The following HEATR5B variants were observed in gnomAD, a reference collection of about 807,000 sequenced individuals.
HEATR5B encodes the protein HEAT repeat-containing protein 5B.
In HEATR5B, 156 loss-of-function variants were observed where a neutral mutation model predicts 224.1. The observed-to-expected ratio is 0.70, with a 90% confidence interval of 0.61 to 0.80. The LOEUF (loss-of-function observed/expected upper bound fraction) is 0.80. HEATR5B is among the 30% of genes least tolerant of loss of function. The pLI is 0.00. For missense variants in HEATR5B, 2,323 were observed against 2,535.5 expected, an observed-to-expected ratio of 0.92 and a Z score of 1.80; for synonymous variants, 1,027 against 893.0, an observed-to-expected ratio of 1.15 and a Z score of -2.68.
At chr2:37,059,092 T>TA (rs1671090932) in intron 12 of HEATR5B, 105 bp from the exon 13 acceptor site, 1 of 639,328 alleles carries the variant, frequency 1.6e-6, no homozygotes. Context: ...TTAATTATTA[T>TA]AACGTATAAG....
intron 24 of HEATR5B, among the ~76,000 whole-genome samples, chr2:37,021,533 C>T (rs1055998497): frequency 6.6e-6 from 1 of 152,166 alleles, no homozygotes; most frequent in Non-Finnish European, 1.5e-5. Context: ...TCTCTCTATG[C>T]TGTGGCCAAT....
intron 34 of HEATR5B, among the ~76,000 whole-genome samples, chr2:36,990,333 T>C (rs912656244): frequency 1.3e-5 from 2 of 152,212 alleles, no homozygotes; most frequent in South Asian, 2.1e-4. Context: ...ACGTCAATAA[T>C]ATAAGCTTCT....
intron 24 of HEATR5B, among the ~76,000 whole-genome samples, chr2:37,021,519 T>C (rs764253205): frequency 1.1e-4 from 17 of 152,292 alleles, no homozygotes; most frequent in Non-Finnish European, 2.4e-4. Context: ...TGAGAAATCA[T>C]CCCTCTCTCT....
intron 5 of HEATR5B, among the ~76,000 whole-genome samples, chr2:37,074,953 T>C (rs1401764164): frequency 6.6e-6 from 1 of 152,256 alleles, no homozygotes; most frequent in Non-Finnish European, 1.5e-5. Flanking sequence ...GAAATTCTCA[T>C]ACACTGCTAG....
At chr2:37,060,852 A>C (rs1671241701) in intron 11 of HEATR5B, 119 bp from the exon 12 acceptor site, 13 of 670,748 alleles carry the variant, frequency 1.9e-5, no homozygotes, top group Non-Finnish European at 2.9e-5. Context: ...ATAGAGTAAA[A>C]TACTGATGTT....
Position 36,981,771 on chromosome 2 carries a change from C to A in HEATR5B, c.5935G>T (p.Val1979Phe), listed in dbSNP as rs1205332254. The A allele has an allele frequency of 1.9e-6, 3 of 1,611,144 alleles. No homozygotes were observed. The highest frequency in any genetic ancestry group is 2.5e-6 in the Non-Finnish European group (3 of 1,178,694). The change falls in exon 36 of 36, where the codon GTT becomes TTT. Residue 1979 changes from valine to phenylalanine, a missense_variant. By Grantham distance (50) the Val-to-Phe change is conservative (BLOSUM62 -1). This residue lies in a region of HEATR5B where 844 missense variants were observed against 812.9 expected (regional missense o/e 1.04). Coordinates refer to ENST00000233099, the MANE Select transcript of HEATR5B (RefSeq NM_019024.3). Reference sequence around the variant, plus strand: ...AGCAGGTAAGATATCAAAGTGGGAACTAAAAGAGCAAGTAGCTGGACTCCT... The same window carrying A: ...AGCAGGTAAGATATCAAAGTGGGAAATAAAAGAGCAAGTAGCTGGACTCCT... Reference protein sequence around the residue: ...QNRVQLLALLVPTLISYLLDE... With the variant: ...QNRVQLLALLFPTLISYLLDE...
In HEATR5B at chr2:37,038,030, G is replaced by A. The variant is rs1669618985; in HGVS notation, c.3047-6C>T. On this transcript the variant is annotated splice_region_variant and splice_polypyrimidine_tract_variant and intron_variant, in intron 20 of 35. Transcript: ENST00000233099. Reference sequence around the variant, plus strand: ...AGAAGTTGTTGCTCCATTCCCTGGTGCAAAATGAAAGAAAATATAAAATAT... The same window carrying A: ...AGAAGTTGTTGCTCCATTCCCTGGTACAAAATGAAAGAAAATATAAAATAT... 2 of 1,472,450 alleles carry A rather than the reference G, an allele frequency of 1.4e-6. No individual in the cohort carries two copies. Among genetic ancestry groups the A allele is most frequent in the Non-Finnish European group, 1.8e-6 (2 of 1,103,852 alleles). 91.2% of individuals were successfully genotyped at this position (1,472,450 alleles called of 1,614,324 possible).
At chr2:37,066,050 C>G (rs768995395) in intron 8 of HEATR5B, 140 bp from the exon 9 acceptor site, 3 of 657,472 alleles carry the variant, frequency 4.6e-6, no homozygotes, top group Non-Finnish European at 7.4e-6. Flanking sequence ...CAATAGAAAA[C>G]TTGTAGAACT....
chr2:37,007,204 G>A lies in HEATR5B; in HGVS notation c.4623C>T (p.Ser1541=), dbSNP rs1462282973. The A allele has an allele frequency of 2.5e-6, 4 of 1,614,068 alleles. No individual in the cohort carries two copies. Among genetic ancestry groups the A allele is most frequent in the South Asian group, 2.2e-5 (2 of 91,080 alleles). Residue 1541 remains serine, a synonymous_variant, in exon 29 of 36, where the codon AGC becomes AGT. Coordinates refer to ENST00000233099, the MANE Select transcript of HEATR5B (RefSeq NM_019024.3). ...ILHAVALWLN[S]TGFTCSESTE... is the part of the protein sequence containing the mutation. The stretch of plus-strand genomic sequence containing the variant: ...TAGACTCTGAGCACGTAAATCCTGT[G>A]CTATTTAACCAAAGTGCCACCGCAT...
chr2:37,026,586 G>A (rs770378015), intron 24 of HEATR5B, among the ~76,000 whole-genome samples: 76 of 152,296 alleles, frequency 5.0e-4, no homozygotes, highest in Non-Finnish European at 7.9e-4. Flanking sequence ...ATTTGACTGA[G>A]AAGTCTGTCT....
intron 26 of HEATR5B, 80 bp downstream of exon 26, chr2:37,019,729 A>G: frequency 1.9e-6 from 2 of 1,052,612 alleles, no homozygotes; most frequent in South Asian, 1.4e-5. Flanking sequence ...ATTTTTCTCT[A>G]TTCCTTTACA....
At chr2:37,043,776 A>C (rs1421891944) in intron 18 of HEATR5B, among the ~76,000 whole-genome samples, 1 of 152,212 alleles carries the variant, frequency 6.6e-6, no homozygotes, top group African/African-American at 2.4e-5. Context: ...TTATGTTGAG[A>C]AAAAAAGTTT....
At position 37,002,324 on chromosome 2, in the gene HEATR5B, A is replaced by T. The variant is rs1333049039; in HGVS notation, c.5299T>A (p.Ser1767Thr). ...ACCGTACCAGCGGGTGAACAAAGGG[A>T]TGGTAAATCAGAGAGTATGGTAACT... ...ATVTILSDLPSLCSPAGCMTI... is the reference protein window; with the variant it reads ...ATVTILSDLPTLCSPAGCMTI... The change falls in exon 32 of 36, where the codon TCC (serine) becomes ACC (threonine). Residue 1767 changes from serine (S) to threonine (T), a missense_variant. Physicochemically the swap from Ser to Thr is moderately conservative, Grantham distance 58 (BLOSUM62 1). This residue lies in a region of HEATR5B where 844 missense variants were observed against 812.9 expected (regional missense o/e 1.04). Coordinates refer to ENST00000233099, the MANE Select transcript of HEATR5B (RefSeq NM_019024.3). The T allele has an allele frequency of 6.2e-7, 1 of 1,614,242 alleles. No homozygotes were observed. The highest frequency in any genetic ancestry group is 8.5e-7 in the Non-Finnish European group (1 of 1,180,036).
At chr2:36,986,868 T>C (rs1481779204) in intron 35 of HEATR5B, among the ~76,000 whole-genome samples, 1 of 152,070 alleles carries the variant, frequency 6.6e-6, no homozygotes, top group African/African-American at 2.4e-5. Flanking sequence ...CTGCCTGCCT[T>C]GGCCTCCCAA....
chr2:37,025,683 G>A (rs927026140), intron 24 of HEATR5B, among the ~76,000 whole-genome samples: 7 of 152,056 alleles, frequency 4.6e-5, no homozygotes, highest in African/African-American at 1.7e-4. Flanking sequence ...AAAAACCTGT[G>A]AGGATCTCTG....
chr2:37,050,854 A>C (rs141885906), intron 17 of HEATR5B, among the ~76,000 whole-genome samples: 1 of 152,104 alleles, frequency 6.6e-6, no homozygotes, highest in East Asian at 1.9e-4. Flanking sequence ...CCTGGCCAAC[A>C]TGGTGAAAAC....
At chr2:37,064,488 GT>G (rs1295164171) in intron 10 of HEATR5B, among the ~76,000 whole-genome samples, 6 of 150,994 alleles carry the variant, frequency 4.0e-5, no homozygotes, top group Admixed American at 3.3e-4. Context: ...TGCCTAGGCT[GT>G]TTTTTTTCTC....
chr2:37,049,572 AAAACAT>A (rs1297535982), intron 18 of HEATR5B, 75 bp downstream of exon 18: 20 of 1,266,134 alleles, frequency 1.6e-5, no homozygotes. Context: ...TACCATGTGG[AAAACAT>A]AAACTCCAGT....
At chr2:37,074,024 G>A (rs376733178) in intron 5 of HEATR5B, among the ~76,000 whole-genome samples, 5 of 152,182 alleles carry the variant, frequency 3.3e-5, no homozygotes, top group East Asian at 3.9e-4. Context: ...TAGGCTTTTC[G>A]AAATGGTACT....
Sources: allele counts gnomAD v4.1 joint callset (sites outside exome capture counted in the v4.1 genomes callset), GRCh38; gene constraint gnomAD v4.1.1; regional missense constraint gnomAD v4.1.1; transcripts MANE v1.5; gene names NCBI Gene and HGNC (gene_info 2026-07-23, HGNC 2026-07-21).